The following GGT7 variants were observed in gnomAD, a reference collection of about 807,000 sequenced individuals.
GGT7 encodes glutathione hydrolase 7.
A neutral mutation model predicts 69.2 loss-of-function variants in GGT7; 30 were observed. The ratio of observed to expected loss-of-function variants is 0.43; its 90% CI spans 0.32 to 0.59. The LOEUF (loss-of-function observed/expected upper bound fraction) is 0.59. Ranked by LOEUF, GGT7 falls within the 20% of genes least tolerant of loss-of-function variation. The pLI is 0.05. For missense variants in GGT7, 733 were observed against 901.1 expected (o/e 0.81, Z 2.39); for synonymous variants, 388 against 391.8 (o/e 0.99, Z 0.12).
At chr20:34,849,351 C>CG (rs952532559) in intron 14 of GGT7, among the ~76,000 whole-genome samples, 16 of 93,584 alleles carry the variant, frequency 1.7e-4, no homozygotes, top group South Asian at 8.1e-4. Context: ...TTTATAGAGA[C>CG]GGGGGGGTGG....
chr20:34,848,999 C>T (rs1179480998), intron 14 of GGT7, among the ~76,000 whole-genome samples: 1 of 152,024 alleles, frequency 6.6e-6, no homozygotes, highest in East Asian at 1.9e-4. Context: ...GTCCACGATC[C>T]GGCGCCTGCC....
chr20:34,847,000 T>A (rs569597948), intron 14 of GGT7, among the ~76,000 whole-genome samples: 22 of 152,196 alleles, frequency 1.4e-4, no homozygotes, highest in Non-Finnish European at 1.9e-4. Context: ...TCTTCAAGAA[T>A]TTCCTCCACC....
chr20:34,863,492 CCGA>C lies in GGT7; in HGVS notation c.223_225del (p.Ser75del). 6.2e-7 allele frequency: 1 copy of C among 1,604,370 alleles called. No individual in the cohort carries two copies. The highest frequency in any genetic ancestry group is 8.5e-7 in the Non-Finnish European group (1 of 1,175,882). On this transcript the variant is annotated inframe_deletion, in exon 2 of 15. Transcript: ENST00000336431. The surrounding 1 kb of genome is among the most constrained non-coding windows in gnomAD (Gnocchi z 4.4). ...GGCGACCCGTCTTGGCTGCCCATCTCCGACGACGACGATGGCAGCCGCTGCAGC... is the reference window on the plus strand; with the variant it reads ...GGCGACCCGTCTTGGCTGCCCATCTCCGACGACGATGGCAGCCGCTGCAGC...
rs371027305 is a variant in GGT7, at chr20:34,851,256, G to A, written c.1700C>T (p.Ala567Val). 9 of 1,613,754 alleles carry A rather than the reference G, an allele frequency of 5.6e-6. No individual in the cohort carries two copies. Among genetic ancestry groups the A allele is most frequent in the African/African-American group, 5.3e-5 (4 of 75,052 alleles). The change falls in exon 13 of 15, where the codon GCG (alanine) becomes GTG (valine). Residue 567 changes from alanine (A) to valine (V), a missense_variant. Physicochemically the swap from Ala to Val is moderately conservative, Grantham distance 64. Transcript: ENST00000336431. ...TYLALGANGA[A>V]RGLSGLTQVL... ...CTGTGTCAGGCCGCTGAGGCCCCGCGCAGCTCCATTGGCCCCCAGAGCGAG... is the reference window on the plus strand; with the variant it reads ...CTGTGTCAGGCCGCTGAGGCCCCGCACAGCTCCATTGGCCCCCAGAGCGAG...
rs959894736 is a variant in GGT7 at position 34,861,534 on chromosome 20, G to A, written c.586C>T (p.Arg196Ter). The change falls in exon 4 of 15, where the codon CGA becomes TGA. Residue 196 changes from arginine to a stop codon, truncating the protein, a stop_gained. Transcript: ENST00000336431. LOFTEE classifies it high-confidence loss of function. ...GGGVMLVHDIRRNESHLIDFR... is the reference protein window; with the variant it reads ...GGGVMLVHDI ...TCAATTAGGTGGCTCTCATTTCGTC[G>A]GATGTCATGTACCAGCATCACGCCC... 7 of 1,519,726 alleles carry A rather than the reference G, an allele frequency of 4.6e-6. No individual in the cohort carries two copies. The highest frequency in any genetic ancestry group is 4.1e-5 in the African/African-American group (3 of 72,378). The allele number at this position is 1,519,726 out of a possible 1,614,324, so 94.1% of individuals were successfully genotyped here.
intron 3 of GGT7, among the ~76,000 whole-genome samples, chr20:34,862,194 G>C (rs1036934544): frequency 6.6e-6 from 1 of 152,234 alleles, no homozygotes. Flanking sequence ...ATCATGGGAA[G>C]CAGCTTCTAT....
chr20:34,871,121 C>A (rs2079771211), intron 1 of GGT7, among the ~76,000 whole-genome samples: 1 of 152,176 alleles, frequency 6.6e-6, no homozygotes. Context: ...CAATCATGAT[C>A]CCTGCCCTCA....
At chr20:34,856,676 C>T (rs1473190270) in intron 8 of GGT7, 130 bp downstream of exon 8, 3 of 652,984 alleles carry the variant, frequency 4.6e-6, no homozygotes, top group Non-Finnish European at 8.4e-6. Context: ...CAACAGTTGA[C>T]TGCCCAGGTA....
chr20:34,864,677 C>T (rs547529173), intron 1 of GGT7, among the ~76,000 whole-genome samples: 14 of 149,292 alleles, frequency 9.4e-5, no homozygotes, highest in African/African-American at 3.0e-4. Context: ...GCCGAGATCG[C>T]GCCACAGCAC....
intron 1 of GGT7, among the ~76,000 whole-genome samples, chr20:34,870,622 G>C (rs1402396208): frequency 1.3e-5 from 2 of 151,474 alleles, no homozygotes; most frequent in Non-Finnish European, 2.9e-5. Flanking sequence ...CTGCCACCAG[G>C]CCTGGCTAAT....
chr20:34,872,408 G>A, intron 1 of GGT7: 1 of 375,826 alleles, frequency 2.7e-6, no homozygotes, highest in East Asian at 3.9e-5. Context: ...CAGAAGGTAA[G>A]CCCAATCCCT....
intron 6 of GGT7, 138 bp downstream of exon 6, chr20:34,859,831 G>A: frequency 1.3e-6 from 1 of 789,268 alleles, no homozygotes; most frequent in Admixed American, 2.3e-5. Context: ...GCCTCCAGGT[G>A]AGGGTGGGAT....
intron 4 of GGT7, 123 bp from the exon 5 acceptor site, chr20:34,860,444 A>T: frequency 1.4e-6 from 1 of 740,204 alleles, no homozygotes; most frequent in Non-Finnish European, 2.4e-6. Context: ...CAGGCCAAGT[A>T]TCCCAGGGGA....
Position 34,854,804 on chromosome 20 carries a change from C to T in GGT7, c.1222G>A (p.Val408Met), listed in dbSNP as rs759161740. Residue 408 changes from valine (V) to methionine (M), a missense_variant, in exon 9 of 15, where the codon GTG (valine) becomes ATG (methionine). By Grantham distance (21) the Val-to-Met change is conservative. Coordinates refer to ENST00000336431, the MANE Select transcript of GGT7 (RefSeq NM_178026.3). ...LVSREQALHW[V>M]AETLKIALAL... ...AGACGGGTCAGCCTTACCTCTGCCA[C>T]CCAGTGAAGAGCCTGTTCTCGGGAT... The T allele has an allele frequency of 1.9e-6, 3 of 1,614,048 alleles. No individual in the cohort carries two copies. The highest frequency in any genetic ancestry group is 2.5e-6 in the Non-Finnish European group (3 of 1,180,038).
chr20:34,854,967 C>A, intron 8 of GGT7, 44 bp from the exon 9 acceptor site: 1 of 1,599,532 alleles, frequency 6.3e-7, no homozygotes, highest in South Asian at 1.1e-5. Context: ...GGGGTCAAGG[C>A]ACCTTCACAT....
At position 34,852,184 on chromosome 20, in the gene GGT7, G is replaced by T; in HGVS notation, c.1558C>A (p.Arg520=). ...SQMLDFSWPN[R]TANHSAPSLE... ...CTGGGTGCAGAGTGGTTAGCTGTCCGGTTGGGCCAGGAGAAGTCCAGCATC... is the reference window on the plus strand; with the variant it reads ...CTGGGTGCAGAGTGGTTAGCTGTCCTGTTGGGCCAGGAGAAGTCCAGCATC... Residue 520 remains arginine (R), a synonymous_variant, in exon 12 of 15, where the codon CGG becomes AGG. Transcript: ENST00000336431. The T allele has an allele frequency of 6.2e-7, 1 of 1,613,112 alleles. No individual in the cohort carries two copies. Among genetic ancestry groups the T allele is most frequent in the Non-Finnish European group, 8.5e-7 (1 of 1,179,040 alleles).
intron 4 of GGT7, 149 bp from the exon 5 acceptor site, chr20:34,860,470 A>C: frequency 1.5e-6 from 1 of 661,004 alleles, no homozygotes; most frequent in Non-Finnish European, 2.7e-6. Flanking sequence ...AAGCTTTCCC[A>C]AGCAGGCACC....
chr20:34,849,156 TCTTA>T (rs1349689684), intron 14 of GGT7, among the ~76,000 whole-genome samples: 6 of 149,608 alleles, frequency 4.0e-5, no homozygotes, highest in Admixed American at 1.3e-4. Context: ...GTGGGCTCTC[TCTTA>T]CTTTTTTTTT....
intron 9 of GGT7, 45 bp downstream of exon 9, chr20:34,854,751 C>T (rs748165347): frequency 1.2e-6 from 2 of 1,612,640 alleles, no homozygotes; most frequent in African/African-American, 1.3e-5. Context: ...TCTCCCCACT[C>T]CTAATATCCT....
Sources: allele counts gnomAD v4.1 joint callset (sites outside exome capture counted in the v4.1 genomes callset), GRCh38; gene constraint gnomAD v4.1.1; non-coding constraint Gnocchi (gnomAD v3.1); transcripts MANE v1.5; gene names NCBI Gene and HGNC (gene_info 2026-07-23, HGNC 2026-07-21).